Variants in LDB2 observed in about 807,000 individuals in gnomAD.
LDB2 encodes LIM domain binding 2, also known as LIM domain-binding protein 2.
In LDB2, 12 loss-of-function variants were observed where a neutral mutation model predicts 44.3. The observed-to-expected ratio is 0.27, with a 90% CI of 0.17 to 0.44. LDB2 has a LOEUF of 0.44. Ranked by LOEUF, LDB2 falls within the 20% of genes least tolerant of loss-of-function variation. The probability of loss-of-function intolerance (pLI) is 1.00; values close to 1 mark genes in which losing one functional copy is unlikely to be tolerated. For missense variants in LDB2, 344 were observed against 473.5 expected, an observed-to-expected ratio of 0.73 and a Z score of 2.54; for synonymous variants, 164 against 174.8, an observed-to-expected ratio of 0.94 and a Z score of 0.49.
chr4:16,812,659 G>GTGTGTC (rs1357470107), intron 1 of LDB2, among the ~76,000 whole-genome samples: 1 of 147,316 alleles, frequency 6.8e-6, no homozygotes, highest in Non-Finnish European at 1.5e-5. Context: ...GTGTGTGTGT[G>GTGTGTC]TGTGTATTTA....
chr4:16,764,394 G>A (rs1452459039), intron 1 of LDB2, among the ~76,000 whole-genome samples: 1 of 152,074 alleles, frequency 6.6e-6, no homozygotes, highest in Non-Finnish European at 1.5e-5. Context: ...AGGAGTTTAG[G>A]GAGTGGCTGA....
intron 1 of LDB2, among the ~76,000 whole-genome samples, chr4:16,836,448 C>T (rs1784895901): frequency 6.6e-6 from 1 of 152,150 alleles, no homozygotes; most frequent in South Asian, 2.1e-4. Context: ...TCCAGCTGGG[C>T]AAATTTACCT....
chr4:16,555,307 C>T (rs1417158489), intron 5 of LDB2, among the ~76,000 whole-genome samples: 1 of 152,162 alleles, frequency 6.6e-6, no homozygotes, highest in Non-Finnish European at 1.5e-5. Flanking sequence ...AGAGGTGTCA[C>T]ATCTATTTAA....
chr4:16,552,542 A>G (rs991497784), intron 5 of LDB2, among the ~76,000 whole-genome samples: 1 of 152,148 alleles, frequency 6.6e-6, no homozygotes, highest in Non-Finnish European at 1.5e-5. Context: ...CCTCAGAGAT[A>G]GTTCTAAAAT....
At chr4:16,608,312 G>A (rs1400210561) in intron 2 of LDB2, among the ~76,000 whole-genome samples, 1 of 152,052 alleles carries the variant, frequency 6.6e-6, no homozygotes, top group Non-Finnish European at 1.5e-5. Context: ...TAAAAAAAGG[G>A]TCAGATTCAC....
At chr4:16,803,322 C>G (rs1316197955) in intron 1 of LDB2, among the ~76,000 whole-genome samples, 4 of 152,070 alleles carry the variant, frequency 2.6e-5, no homozygotes, top group African/African-American at 7.2e-5. Context: ...GAAAACATTG[C>G]TGCTGTTAAG....
intron 2 of LDB2, among the ~76,000 whole-genome samples, chr4:16,611,431 G>C (rs1218314801): frequency 6.6e-6 from 1 of 151,930 alleles, no homozygotes; most frequent in Non-Finnish European, 1.5e-5. Flanking sequence ...ATTGGATATG[G>C]AGTCAAGACC....
chr4:16,831,539 G>GT (rs2110051766), intron 1 of LDB2, among the ~76,000 whole-genome samples: 1 of 152,274 alleles, frequency 6.6e-6, no homozygotes, highest in African/African-American at 2.4e-5. Flanking sequence ...GAAGGCAGTG[G>GT]TAGTGATGGT....
intron 1 of LDB2, among the ~76,000 whole-genome samples, chr4:16,762,593 A>C (rs1205675340): frequency 6.6e-6 from 1 of 152,194 alleles, no homozygotes; most frequent in African/African-American, 2.4e-5. Context: ...CTAACGCACT[A>C]TCACGAGAAC....
chr4:16,671,282 C>T (rs1423373005), intron 2 of LDB2, among the ~76,000 whole-genome samples: 2 of 152,116 alleles, frequency 1.3e-5, no homozygotes, highest in African/African-American at 4.8e-5. Context: ...TTGCAAATCT[C>T]TATTCTGGGG....
At chr4:16,834,557 G>A (rs1828854) in intron 1 of LDB2, among the ~76,000 whole-genome samples, 3 of 152,010 alleles carry the variant, frequency 2.0e-5, no homozygotes, top group East Asian at 1.9e-4. Context: ...GGCCAGGCAC[G>A]GTGGCTCAAG....
intron 1 of LDB2, among the ~76,000 whole-genome samples, chr4:16,810,453 C>G (rs1447675379): frequency 6.6e-6 from 1 of 152,106 alleles, no homozygotes; most frequent in Non-Finnish European, 1.5e-5. Context: ...TGTATATGAG[C>G]TTCTTAAATT....
At chr4:16,840,726 A>G (rs1364126270) in intron 1 of LDB2, among the ~76,000 whole-genome samples, 1 of 152,324 alleles carries the variant, frequency 6.6e-6, no homozygotes, top group East Asian at 1.9e-4. Flanking sequence ...CAACTCACAA[A>G]GACTGTCAAA....
intron 1 of LDB2, among the ~76,000 whole-genome samples, chr4:16,861,150 T>C (rs1195180188): frequency 2.0e-5 from 3 of 152,178 alleles, no homozygotes; most frequent in Non-Finnish European, 4.4e-5. Flanking sequence ...TGGATTCTTG[T>C]CTTCTTATAT....
intron 1 of LDB2, among the ~76,000 whole-genome samples, chr4:16,782,837 A>G (rs1773587795): frequency 2.0e-5 from 3 of 152,140 alleles, no homozygotes; most frequent in Admixed American, 1.3e-4. Context: ...TGTTATCTAG[A>G]GGGGGAGTAG....
intron 2 of LDB2, among the ~76,000 whole-genome samples, chr4:16,677,081 A>G (rs187981797): frequency 4.7e-4 from 72 of 152,324 alleles, no homozygotes; most frequent in African/African-American, 1.7e-3. Context: ...AGGACAGTTA[A>G]GTGGGGAGAG....
intron 2 of LDB2, among the ~76,000 whole-genome samples, chr4:16,705,563 T>C (rs188068447): frequency 2.8e-4 from 43 of 152,334 alleles, no homozygotes; most frequent in African/African-American, 1.0e-3. Flanking sequence ...CCAGCCTGCC[T>C]GCGCTTAGTA....
chr4:16,827,046 CA>C (rs1783187171), intron 1 of LDB2, among the ~76,000 whole-genome samples: 1 of 152,112 alleles, frequency 6.6e-6, no homozygotes, highest in Non-Finnish European at 1.5e-5. Context: ...GAAGAAAGTG[CA>C]AACCAGTTGC....
At chr4:16,890,052 A>G (rs1246829913) in intron 1 of LDB2, among the ~76,000 whole-genome samples, 1 of 152,200 alleles carries the variant, frequency 6.6e-6, no homozygotes, top group Non-Finnish European at 1.5e-5. Flanking sequence ...TAGCTGAGTT[A>G]TTACAAAGAA....
Sources: allele counts gnomAD v4.1 joint callset (sites outside exome capture counted in the v4.1 genomes callset), GRCh38; gene constraint gnomAD v4.1.1; transcripts MANE v1.5; gene names NCBI Gene and HGNC (gene_info 2026-07-23, HGNC 2026-07-21).